The following TBC1D12 variants were observed in gnomAD, a reference collection of about 807,000 sequenced individuals.
TBC1D12 encodes TBC1 domain family, member 12.
A neutral mutation model predicts 86.7 loss-of-function variants in TBC1D12; 56 were observed. The observed-to-expected ratio is 0.65, with a 90% confidence interval of 0.52 to 0.81. TBC1D12 has a LOEUF of 0.81. TBC1D12 is among the 30% of genes least tolerant of loss of function. The probability of loss-of-function intolerance (pLI) is 0.00; values close to 1 mark genes in which losing one functional copy is unlikely to be tolerated. For missense variants in TBC1D12, 1,023 were observed against 1,038.8 expected, an observed-to-expected ratio of 0.98 and a Z score of 0.21; for synonymous variants, 421 against 411.7, an observed-to-expected ratio of 1.02 and a Z score of -0.27.
intron 3 of TBC1D12, among the ~76,000 whole-genome samples, chr10:94,480,829 A>C (rs898416856): frequency 6.6e-6 from 1 of 151,000 alleles, no homozygotes; most frequent in Non-Finnish European, 1.5e-5. Flanking sequence ...GTGAGCCATG[A>C]TCACGCCACT....
At chr10:94,414,314 G>A (rs1203138611) in intron 1 of TBC1D12, among the ~76,000 whole-genome samples, 2 of 152,154 alleles carry the variant, frequency 1.3e-5, no homozygotes, top group African/African-American at 4.8e-5. Flanking sequence ...AGTATAGTAC[G>A]AGAAACTATT....
chr10:94,451,916 T>A (rs894108856), intron 2 of TBC1D12, among the ~76,000 whole-genome samples: 28 of 152,022 alleles, frequency 1.8e-4, no homozygotes, highest in Non-Finnish European at 3.7e-4. Context: ...ACTCTTTTGA[T>A]CATTTTTTTA....
Position 94,533,196 on chromosome 10 carries a change from C to T in TBC1D12, c.*100C>T. On this transcript the variant is annotated 3_prime_UTR_variant, in exon 13 of 13. Coordinates refer to ENST00000225235, the MANE Select transcript of TBC1D12 (RefSeq NM_015188.2). ...GGCGTGGAAGAAAATGTTGGAGATACCTAAAAGAATCAAGAGGTGGAAAAC... is the reference window on the plus strand; with the variant it reads ...GGCGTGGAAGAAAATGTTGGAGATATCTAAAAGAATCAAGAGGTGGAAAAC... 1 of 637,532 alleles carries T rather than the reference C, an allele frequency of 1.6e-6. No homozygotes were observed. Among genetic ancestry groups the T allele is most frequent in the Non-Finnish European group, 2.6e-6 (1 of 385,652 alleles). 39.5% of individuals were successfully genotyped at this position (637,532 alleles called of 1,614,324 possible).
rs901114523 is a variant in TBC1D12, at chr10:94,433,718, C to T, written c.972-8178C>T. Among the ~76,000 whole-genome samples, 10 of 152,076 alleles carry T rather than the reference C, an allele frequency of 6.6e-5. No homozygotes were observed. The South Asian group carries it at 1.0e-3, about 16-fold the overall frequency. Reference sequence around the variant, plus strand: ...TTCATCTTATATTTGTGGTTTTCTCCGTCTGCTGCTATGTCTGTTTTCTCA... The same window carrying T: ...TTCATCTTATATTTGTGGTTTTCTCTGTCTGCTGCTATGTCTGTTTTCTCA... On this transcript the variant is annotated intron_variant, in intron 1 of 12. Transcript: ENST00000225235.
intron 1 of TBC1D12, among the ~76,000 whole-genome samples, chr10:94,440,025 A>T (rs1170843921): frequency 6.6e-6 from 1 of 152,208 alleles, no homozygotes. Context: ...TCACCTATTT[A>T]GTGATCTTAT....
chr10:94,506,796 A>G (rs545538304), intron 6 of TBC1D12, among the ~76,000 whole-genome samples: 3 of 152,218 alleles, frequency 2.0e-5, no homozygotes, highest in African/African-American at 7.2e-5. Flanking sequence ...TTGAAGTGCT[A>G]TGAGGTGCCA....
Position 94,445,100 on chromosome 10 carries a change from C to G in TBC1D12, c.1095+3081C>G, listed in dbSNP as rs563019813. 2.0e-5 allele frequency among the ~76,000 whole-genome samples: 3 copies of G among 150,132 alleles called. No homozygotes were observed. The South Asian group carries it at 6.4e-4, about 32-fold the overall frequency. The stretch of plus-strand genomic sequence containing the variant: ...AGTGGGCCGGGAGCGGTGGCTCAAG[C>G]CTGTAATCCCAGCACTTTGGGAGGC... On this transcript the variant is annotated intron_variant, in intron 2 of 12. Transcript: ENST00000225235.
rs1010859440 is a variant in TBC1D12, at chr10:94,407,275, A to G, written c.971+3691A>G. Among the ~76,000 whole-genome samples the G allele has an allele frequency of 3.2e-4, 48 of 152,142 alleles. 1 individual carries two copies. Among genetic ancestry groups the G allele is most frequent in the African/African-American group, 1.0e-3 (43 of 41,422 alleles). On this transcript the variant is annotated intron_variant, in intron 1 of 12. Transcript: ENST00000225235. The stretch of plus-strand genomic sequence containing the variant: ...TGAGGTGAGTTCTATTTCAGTCCCT[A>G]CTGGGGGCTTGCTTCAGCTTCACAT...
At chr10:94,475,913 T>C (rs2055981205) in intron 3 of TBC1D12, among the ~76,000 whole-genome samples, 2 of 152,128 alleles carry the variant, frequency 1.3e-5, no homozygotes, top group South Asian at 4.1e-4. Flanking sequence ...TTACTAGGAT[T>C]GTCTCTCTGT....
intron 1 of TBC1D12, among the ~76,000 whole-genome samples, chr10:94,405,322 A>G (rs1042785193): frequency 2.6e-5 from 4 of 152,188 alleles, no homozygotes; most frequent in African/African-American, 9.6e-5. Flanking sequence ...TTTTCTGATT[A>G]TAATTGATAT....
intron 9 of TBC1D12, among the ~76,000 whole-genome samples, chr10:94,512,088 T>C (rs2056535351): frequency 6.6e-6 from 1 of 152,162 alleles, no homozygotes; most frequent in Admixed American, 6.5e-5. Flanking sequence ...GCTCTCTTTC[T>C]CCATTTCACA....
Position 94,403,220 on chromosome 10 carries a change from T to C in TBC1D12, c.607T>C (p.Cys203Arg). The C allele has an allele frequency of 6.6e-7, 1 of 1,506,360 alleles. No individual in the cohort carries two copies. The highest frequency in any genetic ancestry group is 8.9e-7 in the Non-Finnish European group (1 of 1,129,656). 93.3% of individuals were successfully genotyped at this position (1,506,360 alleles called of 1,614,324 possible). Residue 203 changes from cysteine (C) to arginine (R), a missense_variant, in exon 1 of 13, where the codon TGC (cysteine) becomes CGC (arginine). Physicochemically the swap from Cys to Arg is radical, Grantham distance 180. Around this residue, in one of 2 missense-constraint regions of TBC1D12, gnomAD observed 628 missense variants for 531.1 expected, o/e 1.18. Transcript: ENST00000225235. The stretch of plus-strand genomic sequence containing the variant: ...GCTTGAGGACCCGCTGCGGAGCTGC[T>C]GCCTGGTGGCCGCGGACGCCCAGGA... ...SPLEDPLRSCCLVAADAQEPE... is the reference protein window; with the variant it reads ...SPLEDPLRSCRLVAADAQEPE...
chr10:94,499,554 G>A (rs900001877), intron 5 of TBC1D12, among the ~76,000 whole-genome samples: 5 of 152,158 alleles, frequency 3.3e-5, no homozygotes, highest in African/African-American at 1.2e-4. Flanking sequence ...TCGACTGGAG[G>A]GTTGGGGATA....
intron 3 of TBC1D12, among the ~76,000 whole-genome samples, 190 bp downstream of exon 3, chr10:94,474,973 A>T (rs1401101725): frequency 6.6e-6 from 1 of 152,048 alleles, no homozygotes; most frequent in Non-Finnish European, 1.5e-5. Context: ...GTTTGTTTAG[A>T]GACAGGGTCT....
In TBC1D12 at chr10:94,507,325, A is replaced by C. The variant is rs778819230; in HGVS notation, c.1578A>C (p.Thr526=). 53 of 1,607,014 alleles carry C rather than the reference A, an allele frequency of 3.3e-5. No individual in the cohort carries two copies. In the East Asian group the frequency reaches 1.1e-3, roughly 33 times the overall value. ...AKERWKSFSE[T]SSENDTEGVS... is the part of the protein sequence containing the mutation. ...AACGGTGGAAAAGTTTCAGTGAAAC[A>C]AGTTCAGAGAATGATACAGAAGGTG... The change falls in exon 7 of 13, where the codon ACA becomes ACC. Residue 526 remains threonine (T), a synonymous_variant. Coordinates refer to ENST00000225235, the MANE Select transcript of TBC1D12 (RefSeq NM_015188.2).
At chr10:94,460,020 T>G (rs1589631668) in intron 2 of TBC1D12, among the ~76,000 whole-genome samples, 1 of 146,328 alleles carries the variant, frequency 6.8e-6, no homozygotes, top group African/African-American at 2.5e-5. Context: ...GCACCGAGAG[T>G]GAGCAAGGGC....
At chr10:94,477,646 TC>T (rs1413555897) in intron 3 of TBC1D12, among the ~76,000 whole-genome samples, 2 of 152,198 alleles carry the variant, frequency 1.3e-5, no homozygotes, top group African/African-American at 4.8e-5. Flanking sequence ...TTAGGTTTCT[TC>T]TGTTTATGGA....
chr10:94,484,765 A>G (rs1216945546), intron 3 of TBC1D12, among the ~76,000 whole-genome samples: 1 of 152,008 alleles, frequency 6.6e-6, no homozygotes, highest in East Asian at 1.9e-4. Context: ...TGTCCTCTTC[A>G]ATTTCTTTTA....
chr10:94,519,512 G>A (rs540413208), intron 9 of TBC1D12, among the ~76,000 whole-genome samples: 5 of 152,156 alleles, frequency 3.3e-5, no homozygotes, highest in Admixed American at 2.0e-4. Context: ...GGCAACATAG[G>A]AAAACTCTGT....
Sources: allele counts gnomAD v4.1 joint callset (sites outside exome capture counted in the v4.1 genomes callset), GRCh38; gene constraint gnomAD v4.1.1; regional missense constraint gnomAD v4.1.1; transcripts MANE v1.5; gene names NCBI Gene and HGNC (gene_info 2026-07-23, HGNC 2026-07-21).